The following DYNC2I1 variants were observed in gnomAD, a reference collection of about 807,000 sequenced individuals.
The protein encoded by DYNC2I1 is dynein 2 intermediate chain 1, also known as cytoplasmic dynein 2 intermediate chain 1.
In DYNC2I1, 89 loss-of-function variants were observed where a neutral mutation model predicts 133.4. The ratio of observed to expected loss-of-function variants is 0.67; its 90% CI spans 0.56 to 0.80. The LOEUF (loss-of-function observed/expected upper bound fraction) is 0.80. DYNC2I1 is among the 30% of genes least tolerant of loss of function. DYNC2I1 has a pLI of 0.00. For missense variants in DYNC2I1, 1,291 were observed against 1,314.5 expected (o/e 0.98, Z 0.28); for synonymous variants, 504 against 484.3 (o/e 1.04, Z -0.54).
At chr7:158,863,192 T>C (rs1266697476) in intron 1 of DYNC2I1, among the ~76,000 whole-genome samples, 1 of 151,964 alleles carries the variant, frequency 6.6e-6, no homozygotes, top group African/African-American at 2.4e-5. Context: ...TACAAACCTT[T>C]AGCTAGACAC....
At chr7:158,870,668 T>C (rs1185960619) in intron 2 of DYNC2I1, among the ~76,000 whole-genome samples, 1 of 152,138 alleles carries the variant, frequency 6.6e-6, no homozygotes, top group Non-Finnish European at 1.5e-5. Context: ...ATACCATGCC[T>C]GGTCCTACTT....
chr7:158,914,361 G>T (rs369407301), intron 14 of DYNC2I1, 40 bp downstream of exon 14: 41 of 1,519,636 alleles, frequency 2.7e-5, no homozygotes, highest in Non-Finnish European at 3.6e-5. Flanking sequence ...CTGTGTAAGT[G>T]CTTAAAGTTT....
In DYNC2I1 at chr7:158,879,740, A is replaced by C. The variant is rs774841970; in HGVS notation, c.630A>C (p.Glu210Asp). The change falls in exon 5 of 25, where the codon GAA (glutamate) becomes GAC (aspartate). Residue 210 changes from glutamate to aspartate, a missense_variant. By Grantham distance (45) the Glu-to-Asp change is conservative. Transcript: ENST00000407559. ...NPLKYWLYKE[E>D]GERRHRKPRE... ...TCAAGTACTGGCTTTATAAAGAAGA[A>C]GGCGAGAGGAGACACAGGAAGCCCA... is the stretch of plus-strand genomic sequence containing the variant. 24 of 1,601,812 alleles carry C rather than the reference A, an allele frequency of 1.5e-5. No individual in the cohort carries two copies. Among genetic ancestry groups the C allele is most frequent in the East Asian group, 2.2e-5 (1 of 44,830 alleles).
intron 10 of DYNC2I1, chr7:158,903,408 G>A (rs998535141): frequency 4.6e-5 from 7 of 152,074 alleles, no homozygotes; most frequent in East Asian, 1.9e-4. Context: ...ATTTGATGAC[G>A]TACTACTTTA....
intron 8 of DYNC2I1, among the ~76,000 whole-genome samples, chr7:158,898,355 A>C (rs1254801062): frequency 6.6e-6 from 1 of 152,184 alleles, no homozygotes; most frequent in Non-Finnish European, 1.5e-5. Context: ...CAGCTGTAAT[A>C]GTGGATTCAT....
the DYNC2I1 span, among the ~76,000 whole-genome samples, chr7:158,845,229 T>A: frequency 1.3e-5 from 2 of 151,514 alleles, no homozygotes; most frequent in Admixed American, 1.3e-4. Context: ...AGCTATAGGA[T>A]TTTTTTTTGT....
rs533468713 is a variant in DYNC2I1, at chr7:158,884,083, C to T, written c.880-481C>T. Among the ~76,000 whole-genome samples the T allele has an allele frequency of 3.0e-3, 414 of 139,336 alleles. 1 individual carries two copies. Among genetic ancestry groups the T allele is most frequent in the African/African-American group, 0.01 (389 of 37,852 alleles). 91.4% of individuals were successfully genotyped at this position (139,336 alleles called of 152,430 possible). On this transcript the variant is annotated intron_variant, in intron 5 of 24. Coordinates refer to ENST00000407559, the MANE Select transcript of DYNC2I1 (RefSeq NM_018051.5). ...TTTTTGAGATGGAGTCTCGCTCTGTCGCCCAGGCTGGAGTGCAGTGGCGCA... is the reference window on the plus strand; with the variant it reads ...TTTTTGAGATGGAGTCTCGCTCTGTTGCCCAGGCTGGAGTGCAGTGGCGCA...
chr7:158,933,216 C>G (rs2657329), intron 21 of DYNC2I1, among the ~76,000 whole-genome samples: 74,632 of 151,872 alleles, frequency 0.49, 18,789 homozygotes, highest in Admixed American at 0.54. Flanking sequence ...GTTACAAATA[C>G]ATAGGCCATA....
In DYNC2I1 at chr7:158,901,786, A is replaced by T. The variant is rs1444413150; in HGVS notation, c.1107A>T (p.Ala369=). 6.3e-7 allele frequency: 1 copy of T among 1,582,252 alleles called. No individual in the cohort carries two copies. Among genetic ancestry groups the T allele is most frequent in the Non-Finnish European group, 8.6e-7 (1 of 1,163,972 alleles). The part of the protein sequence containing the change: ...ETDLENARAD[A]YTASCEDDFE... Reference sequence around the variant, plus strand: ...ATTTAGAAAATGCTAGAGCTGATGCATATACAGCCAGTTGTGAAGATGATT... The same window carrying T: ...ATTTAGAAAATGCTAGAGCTGATGCTTATACAGCCAGTTGTGAAGATGATT... The change falls in exon 9 of 25, where the codon GCA becomes GCT. Residue 369 remains alanine, a synonymous_variant. Coordinates refer to ENST00000407559, the MANE Select transcript of DYNC2I1 (RefSeq NM_018051.5).
At chr7:158,923,959 G>T (rs889772035) in intron 17 of DYNC2I1, among the ~76,000 whole-genome samples, 1 of 152,154 alleles carries the variant, frequency 6.6e-6, no homozygotes, top group Non-Finnish European at 1.5e-5. Context: ...TAATAAATTT[G>T]TGGATTCTAA....
downstream of DYNC2I1, among the ~76,000 whole-genome samples, chr7:158,957,999 A>G (rs891841183): frequency 1.7e-5 from 2 of 118,422 alleles, no homozygotes; most frequent in African/African-American, 3.1e-5. Flanking sequence ...AAGTGCCTCA[A>G]TTTACTCACT....
At chr7:158,904,628 G>T (rs955442027) in intron 10 of DYNC2I1, 3 of 152,490 alleles carry the variant, frequency 2.0e-5, no homozygotes, top group African/African-American at 7.2e-5. Context: ...TTTAAAAACA[G>T]TCACATCTTA....
intron 23 of DYNC2I1, among the ~76,000 whole-genome samples, chr7:158,938,631 C>A (rs1851017678): frequency 6.6e-6 from 1 of 152,110 alleles, no homozygotes; most frequent in Non-Finnish European, 1.5e-5. Flanking sequence ...TGGCGGGCAC[C>A]TGTAATCCCA....
intron 14 of DYNC2I1, among the ~76,000 whole-genome samples, chr7:158,916,216 A>G (rs1268136880): frequency 9.9e-5 from 8 of 81,136 alleles, no homozygotes; most frequent in African/African-American, 3.2e-4. Flanking sequence ...TGAAACGTCT[A>G]CACGCTGGTT....
chr7:158,841,192 T>TTTTTTAG, the DYNC2I1 span, among the ~76,000 whole-genome samples: 1 of 95,544 alleles, frequency 1.0e-5, no homozygotes, highest in African/African-American at 5.6e-5. Context: ...TATATATATA[T>TTTTTTAG]ATATATATAT....
intron 3 of DYNC2I1, among the ~76,000 whole-genome samples, chr7:158,872,817 C>T (rs776203085): frequency 2.0e-5 from 3 of 151,786 alleles, no homozygotes; most frequent in African/African-American, 7.3e-5. Context: ...GCCAACATGG[C>T]GAAACCCCAT....
In DYNC2I1 at chr7:158,926,411, G is replaced by T; in HGVS notation, c.2381G>T (p.Gly794Val). 1 of 1,613,138 alleles carries T rather than the reference G, an allele frequency of 6.2e-7. No individual in the cohort carries two copies. The highest frequency in any genetic ancestry group is 2.2e-5 in the East Asian group (1 of 44,876). Residue 794 changes from glycine (G) to valine (V), a missense_variant, in exon 19 of 25, where the codon GGT becomes GTT. Coordinates refer to ENST00000407559, the MANE Select transcript of DYNC2I1 (RefSeq NM_018051.5). ...TTTCTGTCTTCATCAGAAATGTCAG[G>T]TTTGTCCTTCCACATCGCTTCCTTG... ...SPFSTQEEMS[G>V]LSFHIASLDE... is the part of the protein sequence containing the mutation.
At chr7:158,863,942 G>A (rs1187264991) in intron 1 of DYNC2I1, among the ~76,000 whole-genome samples, 2 of 141,880 alleles carry the variant, frequency 1.4e-5, no homozygotes, top group Non-Finnish European at 3.1e-5. Context: ...GTGTGGGGGT[G>A]GGGAGCGGGA....
chr7:158,944,600 A>G (rs182696317), intron 24 of DYNC2I1, among the ~76,000 whole-genome samples: 1 of 152,172 alleles, frequency 6.6e-6, no homozygotes, highest in African/African-American at 2.4e-5. Context: ...ACGAGGCTTC[A>G]TTCCCACACT....
Sources: allele counts gnomAD v4.1 joint callset (sites outside exome capture counted in the v4.1 genomes callset), GRCh38; gene constraint gnomAD v4.1.1; transcripts MANE v1.5; gene names NCBI Gene and HGNC (gene_info 2026-07-23, HGNC 2026-07-21).